The following CDC42BPA variants were observed in gnomAD, a reference collection of about 807,000 sequenced individuals.
CDC42BPA encodes serine/threonine-protein kinase MRCK alpha.
A neutral mutation model predicts 223.5 loss-of-function variants in CDC42BPA; 80 were observed. That is an observed-to-expected ratio of 0.36 (90% CI 0.30 to 0.43). The LOEUF (loss-of-function observed/expected upper bound fraction) is 0.43, where lower values mean the gene tolerates loss of function less well. Among genes scored for constraint, CDC42BPA ranks in the 20% least tolerant of loss-of-function variants. The pLI is 1.00. For synonymous variants in CDC42BPA, 694 were observed against 718.6 expected, an observed-to-expected ratio of 0.97 and a Z score of 0.55; for missense variants, 1,743 against 2,099.9, an observed-to-expected ratio of 0.83 and a Z score of 3.32.
rs1438049124 is a variant in CDC42BPA at position 226,990,371 on chromosome 1, TAGC to T, written c.*3894_*3896del. The stretch of plus-strand genomic sequence containing the variant: ...GGGGGCAGGGCTTACACTCCTTATC[TAGC>T]AGAAGTGCACAGAGAACTCTGGACT... On this transcript the variant is annotated 3_prime_UTR_variant, in exon 37 of 37. Coordinates refer to ENST00000366766, the MANE Select transcript of CDC42BPA (RefSeq NM_001394014.1). The T allele has an allele frequency of 6.6e-6, 1 of 152,192 alleles. No individual in the cohort carries two copies. Among genetic ancestry groups the T allele is most frequent in the Non-Finnish European group, 1.5e-5 (1 of 68,046 alleles). 9.4% of individuals were successfully genotyped at this position (152,192 alleles called of 1,614,324 possible).
At chr1:227,171,969 CATTTAT>C (rs1330361021) in intron 5 of CDC42BPA, among the ~76,000 whole-genome samples, 1 of 152,110 alleles carries the variant, frequency 6.6e-6, no homozygotes, top group East Asian at 1.9e-4. Flanking sequence ...TCCTTTTTAT[CATTTAT>C]ATAGGTTAGG....
At chr1:227,234,399 A>G (rs1210640929) in intron 2 of CDC42BPA, 1 of 152,200 alleles carries the variant, frequency 6.6e-6, no homozygotes, top group African/African-American at 2.4e-5. Flanking sequence ...AATGTCTAAC[A>G]ATTAAAAAGA....
chr1:227,206,743 TAA>T (rs912692972), intron 3 of CDC42BPA, among the ~76,000 whole-genome samples: 101 of 152,298 alleles, frequency 6.6e-4, no homozygotes, highest in African/African-American at 2.3e-3. Flanking sequence ...GTCTAAAAGA[TAA>T]AAGTTTTCTC....
intron 15 of CDC42BPA, among the ~76,000 whole-genome samples, chr1:227,095,118 G>C (rs1197613060): frequency 6.6e-6 from 1 of 152,180 alleles, no homozygotes; most frequent in East Asian, 1.9e-4. Context: ...CTTATAGCCT[G>C]ATGCTTCCAA....
At chr1:227,113,804 G>A (rs568871360) in intron 12 of CDC42BPA, among the ~76,000 whole-genome samples, 26 of 151,076 alleles carry the variant, frequency 1.7e-4, no homozygotes, top group Admixed American at 1.5e-3. Context: ...CTTGAGCCAA[G>A]GAGTTCAAGA....
intron 21 of CDC42BPA, among the ~76,000 whole-genome samples, chr1:227,064,136 C>T (rs1216428415): frequency 6.6e-6 from 1 of 152,062 alleles, no homozygotes; most frequent in East Asian, 1.9e-4. Context: ...CTGTGTCTGA[C>T]CTTTATATTC....
chr1:227,290,603 T>C (rs573801670), intron 1 of CDC42BPA, among the ~76,000 whole-genome samples: 5 of 152,320 alleles, frequency 3.3e-5, no homozygotes, highest in South Asian at 2.1e-4. Context: ...AAGATTCATA[T>C]TGGTTTCCAA....
At chr1:227,033,228 T>C (rs1373156737) in intron 27 of CDC42BPA, 106 bp downstream of exon 27, 3 of 666,922 alleles carry the variant, frequency 4.5e-6, no homozygotes, top group Non-Finnish European at 5.3e-6. Flanking sequence ...TAAAAGAATA[T>C]AAGATTTGGT....
intron 11 of CDC42BPA, among the ~76,000 whole-genome samples, chr1:227,128,237 T>C (rs537004): frequency 0.28 from 43,092 of 152,064 alleles, 6,321 homozygotes; most frequent in African/African-American, 0.35. Flanking sequence ...GGAACACATA[T>C]TTTGCAGATA....
At position 227,153,549 on chromosome 1, in the gene CDC42BPA, A is replaced by T. The variant is rs181594057; in HGVS notation, c.694-5990T>A. Among the ~76,000 whole-genome samples, 26 of 152,046 alleles carry T rather than the reference A, an allele frequency of 1.7e-4. No homozygotes were observed. The East Asian group carries it at 4.8e-3, about 28-fold the overall frequency. ...AGCACAAATAAACAATACTAGGAAA[A>T]GGGGGGCAAAATGACACTGTAACAA... On this transcript the variant is annotated intron_variant, in intron 6 of 36. Transcript: ENST00000366766.
chr1:227,195,284 C>G (rs930614706), intron 4 of CDC42BPA, among the ~76,000 whole-genome samples: 13 of 152,258 alleles, frequency 8.5e-5, no homozygotes, highest in African/African-American at 2.9e-4. Context: ...ACCCCTGCCT[C>G]CTGGGTTCAA....
At chr1:227,085,361 C>T (rs1681639953) in intron 16 of CDC42BPA, among the ~76,000 whole-genome samples, 1 of 152,202 alleles carries the variant, frequency 6.6e-6, no homozygotes, top group South Asian at 2.1e-4. Flanking sequence ...TCGTCATCTT[C>T]TTTTTAAAAA....
In CDC42BPA at chr1:227,101,222, GTAAC is replaced by G; in HGVS notation, c.2015_2018del (p.Ser672ThrfsTer8). 1 of 1,539,420 alleles carries G rather than the reference GTAAC, an allele frequency of 6.5e-7. No homozygotes were observed. The highest frequency in any genetic ancestry group is 8.8e-7 in the Non-Finnish European group (1 of 1,141,816). ...GTTCTATGCTGCATACTCCTGGTGA[GTAAC>G]TAATTTGTTTTTGCTATAGAAATAA... On this transcript the variant is annotated frameshift_variant, in exon 15 of 37. Transcript: ENST00000366766. LOFTEE classifies it high-confidence loss of function.
intron 1 of CDC42BPA, among the ~76,000 whole-genome samples, chr1:227,307,581 C>A (rs1692783089): frequency 6.6e-6 from 1 of 152,140 alleles, no homozygotes; most frequent in Non-Finnish European, 1.5e-5. Flanking sequence ...TTTGTAATAT[C>A]CAAAGAGGCA....
In CDC42BPA at chr1:227,004,982, C is replaced by A. The variant is rs765339645; in HGVS notation, c.4975+12G>T. 21 of 1,590,514 alleles carry A rather than the reference C, an allele frequency of 1.3e-5. No homozygotes were observed. Among genetic ancestry groups the A allele is most frequent in the Non-Finnish European group, 1.7e-5 (20 of 1,158,516 alleles). ...TGTCTCAGAGGCACCTTCCTGTAGC[C>A]CCGGCACTTACTTGCTGACAAGCCA... On this transcript the variant is annotated intron_variant, in intron 35 of 36. Coordinates refer to ENST00000366766, the MANE Select transcript of CDC42BPA (RefSeq NM_001394014.1).
At chr1:227,167,479 T>A (rs942370632) in intron 5 of CDC42BPA, among the ~76,000 whole-genome samples, 4 of 152,198 alleles carry the variant, frequency 2.6e-5, no homozygotes, top group African/African-American at 9.6e-5. Context: ...CTATACCACT[T>A]TCTTCTCTAT....
At chr1:227,009,357 G>C (rs888034971) in intron 34 of CDC42BPA, among the ~76,000 whole-genome samples, 49 of 152,112 alleles carry the variant, frequency 3.2e-4, no homozygotes, top group African/African-American at 1.2e-3. Context: ...AGTATTTCTA[G>C]TTATAGATGA....
At chr1:227,009,558 G>A (rs1664766099) in intron 34 of CDC42BPA, among the ~76,000 whole-genome samples, 1 of 152,068 alleles carries the variant, frequency 6.6e-6, no homozygotes, top group African/African-American at 2.4e-5. Flanking sequence ...ACAGGCATGT[G>A]CCACCACATC....
At chr1:227,296,690 A>T (rs4364839) in intron 1 of CDC42BPA, among the ~76,000 whole-genome samples, 4,154 of 146,982 alleles carry the variant, frequency 0.028, 186 homozygotes, top group African/African-American at 0.096. Context: ...TGGGAAACAG[A>T]GAGAGACTCT....
Sources: allele counts gnomAD v4.1 joint callset (sites outside exome capture counted in the v4.1 genomes callset), GRCh38; gene constraint gnomAD v4.1.1; transcripts MANE v1.5; gene names NCBI Gene and HGNC (gene_info 2026-07-23, HGNC 2026-07-21).